UGP2: variants seen among roughly 807,000 people sequenced by gnomAD.
UGP2 encodes UTP--glucose-1-phosphate uridylyltransferase.
UGP2 carries 40 observed loss-of-function variants against 49.0 expected under a neutral mutation model. That is an observed-to-expected ratio of 0.82 (90% CI 0.63 to 1.06). The LOEUF is 1.06. Ranked by LOEUF, UGP2 falls within the 50% of genes least tolerant of loss-of-function variation. The pLI, the probability that UGP2 is intolerant of heterozygous loss-of-function variation, is 0.00. For synonymous variants in UGP2, 225 were observed against 213.0 expected (o/e 1.06, Z -0.49); for missense variants, 460 against 603.5 (o/e 0.76, Z 2.49).
chr2:63,880,232 G>A (rs1468545652), intron 3 of UGP2, among the ~76,000 whole-genome samples: 1 of 145,212 alleles, frequency 6.9e-6, no homozygotes, highest in Non-Finnish European at 1.5e-5. Context: ...GGAGTACAGT[G>A]GCATGATCAC....
intron 5 of UGP2, 109 bp from the exon 6 acceptor site, chr2:63,885,480 G>C (rs1333383344): frequency 1.5e-5 from 13 of 870,432 alleles, no homozygotes; most frequent in Non-Finnish European, 1.8e-5. Flanking sequence ...CTTATTGATA[G>C]ACTCTGAAAA....
chr2:63,841,840 T>C (rs762161387), upstream of UGP2: 2 of 222,934 alleles, frequency 9.0e-6, no homozygotes, highest in Non-Finnish European at 1.8e-5. Flanking sequence ...AAATAGCCGC[T>C]GTAGGTCCGC....
rs545226805 is a variant in UGP2, at chr2:63,891,272, C to T, written c.*45C>T. On this transcript the variant is annotated 3_prime_UTR_variant, in exon 10 of 10. Transcript: ENST00000337130. Reference sequence around the variant, plus strand: ...ACTTAAATAATGGGCTAGTTTCTTACAATGAAATGTTCTCTAGGATTCTAA... The same window carrying T: ...ACTTAAATAATGGGCTAGTTTCTTATAATGAAATGTTCTCTAGGATTCTAA... 3 of 1,499,826 alleles carry T rather than the reference C, an allele frequency of 2.0e-6. No individual in the cohort carries two copies. Among genetic ancestry groups the T allele is most frequent in the South Asian group, 1.1e-5 (1 of 87,466 alleles). 92.9% of individuals were successfully genotyped at this position (1,499,826 alleles called of 1,614,324 possible).
chr2:63,862,948 T>C, intron 3 of UGP2: 1 of 441,330 alleles, frequency 2.3e-6, no homozygotes, highest in Non-Finnish European at 4.5e-6. Flanking sequence ...TGGAACTCCA[T>C]TTCTGTTAGC....
intron 8 of UGP2, chr2:63,888,354 C>T (rs533937407): frequency 1.3e-5 from 2 of 152,234 alleles, no homozygotes; most frequent in East Asian, 3.9e-4. Flanking sequence ...CACATTTTGC[C>T]ATAGGCTAAT....
chr2:63,847,132 G>A (rs1671988021), intron 1 of UGP2, among the ~76,000 whole-genome samples: 1 of 152,000 alleles, frequency 6.6e-6, no homozygotes, highest in Non-Finnish European at 1.5e-5. Flanking sequence ...AAATTGATAA[G>A]GGACATTAGA....
In UGP2 at chr2:63,882,483, G is replaced by T; in HGVS notation, c.273G>T (p.Lys91Asn). The part of the protein sequence containing the change: ...PPEDSIQPYE[K>N]IKARGLPDNI... ...TCTTTCAGATTCAACCCTATGAAAA[G>T]ATAAAGGCCAGGGGCTTGCCTGATA... The change falls in exon 4 of 10, where the codon AAG becomes AAT. Residue 91 changes from lysine to asparagine, a missense_variant. This residue lies in a region of UGP2 where 143 missense variants were observed against 130.4 expected (regional missense o/e 1.10). Transcript: ENST00000337130. The T allele has an allele frequency of 6.3e-7, 1 of 1,588,176 alleles. No individual in the cohort carries two copies. Among genetic ancestry groups the T allele is most frequent in the Non-Finnish European group, 8.6e-7 (1 of 1,162,300 alleles).
At position 63,847,506 on chromosome 2, in the gene UGP2, G is replaced by A. The variant is rs142451787; in HGVS notation, c.19+5302G>A. Among the ~76,000 whole-genome samples the A allele has an allele frequency of 6.6e-4, 101 of 152,312 alleles. 1 individual carries two copies. The East Asian group carries it at 0.019, about 29-fold the overall frequency. On this transcript the variant is annotated intron_variant, in intron 1 of 9. Transcript: ENST00000337130. ...GTGAAGAGACCACCAAATAGGCTTTGTGTGAGCAACATGGCTATTTCACCT... is the reference window on the plus strand; with the variant it reads ...GTGAAGAGACCACCAAATAGGCTTTATGTGAGCAACATGGCTATTTCACCT...
chr2:63,844,949 C>A (rs572747327), intron 1 of UGP2, among the ~76,000 whole-genome samples: 1 of 152,292 alleles, frequency 6.6e-6, no homozygotes, highest in South Asian at 2.1e-4. Flanking sequence ...TGGAAATGGC[C>A]TGTTTCTCCA....
intron 3 of UGP2, among the ~76,000 whole-genome samples, chr2:63,880,520 T>C (rs1225188042): frequency 6.6e-6 from 1 of 152,150 alleles, no homozygotes; most frequent in Non-Finnish European, 1.5e-5. Flanking sequence ...TAAGCTACCC[T>C]GTTATATCAG....
chr2:63,886,333 C>G lies in UGP2; in HGVS notation c.874-8C>G, dbSNP rs905963186. 1.5e-5 allele frequency: 25 copies of G among 1,613,222 alleles called. No homozygotes were observed. The highest frequency in any genetic ancestry group is 6.7e-5 in the Admixed American group (4 of 60,010). ...TGTGGAGGCACTCACTATTTTCTGCCTTTCTAGGGCGGGACACTCACTCAA... is the reference window on the plus strand; with the variant it reads ...TGTGGAGGCACTCACTATTTTCTGCGTTTCTAGGGCGGGACACTCACTCAA... On this transcript the variant is annotated splice_polypyrimidine_tract_variant and splice_region_variant and intron_variant, in intron 6 of 9. Transcript: ENST00000337130.
intron 7 of UGP2, 77 bp from the exon 8 acceptor site, chr2:63,887,325 T>C (rs1671753680): frequency 1.3e-6 from 2 of 1,541,644 alleles, no homozygotes; most frequent in Non-Finnish European, 1.7e-6. Context: ...TTCCCAAATA[T>C]TAACTAACCT....
chr2:63,856,523 A>C, intron 2 of UGP2, 90 bp downstream of exon 2: 10 of 1,402,648 alleles, frequency 7.1e-6, no homozygotes, highest in Non-Finnish European at 8.6e-6. Flanking sequence ...GATAATCATC[A>C]CCTCAAATCA....
chr2:63,875,765 G>A (rs891949011), intron 3 of UGP2, among the ~76,000 whole-genome samples: 6 of 152,292 alleles, frequency 3.9e-5, no homozygotes, highest in Non-Finnish European at 5.9e-5. Context: ...AGCCTCATGC[G>A]GTTTGCCCCA....
At chr2:63,844,630 C>T (rs1305141468) in intron 1 of UGP2, among the ~76,000 whole-genome samples, 1 of 152,152 alleles carries the variant, frequency 6.6e-6, no homozygotes, top group Admixed American at 6.5e-5. Flanking sequence ...GGTGCGATCA[C>T]AGCTCACTGC....
chr2:63,851,779 A>T (rs1200117292), intron 1 of UGP2, among the ~76,000 whole-genome samples: 1 of 152,144 alleles, frequency 6.6e-6, no homozygotes, highest in Non-Finnish European at 1.5e-5. Context: ...TTATCCCATA[A>T]ATCCTGAAGT....
At position 63,891,347 on chromosome 2, in the gene UGP2, A is replaced by AAAAT. The variant is rs1405051026; in HGVS notation, c.*122_*125dup. The stretch of plus-strand genomic sequence containing the variant: ...ACTGTACCCTGCAGTGTTGATTTTT[A>AAAAT]AAATAGAGTTTTCTGCAGTATGCTT... On this transcript the variant is annotated 3_prime_UTR_variant, in exon 10 of 10. Coordinates refer to ENST00000337130, the MANE Select transcript of UGP2 (RefSeq NM_006759.4). The AAAAT allele has an allele frequency of 7.2e-6, 5 of 698,030 alleles. No individual in the cohort carries two copies. The highest frequency in any genetic ancestry group is 5.6e-5 in the African/African-American group (3 of 53,902). The allele number at this position is 698,030 out of a possible 1,614,324, so 43.2% of individuals were successfully genotyped here.
At chr2:63,879,361 C>A (rs1328851369) in intron 3 of UGP2, among the ~76,000 whole-genome samples, 1 of 152,072 alleles carries the variant, frequency 6.6e-6, no homozygotes, top group African/African-American at 2.4e-5. Context: ...ATTATTGTAG[C>A]ATTTTTACTT....
chr2:63,844,602 G>C (rs537101443), intron 1 of UGP2, among the ~76,000 whole-genome samples: 1 of 152,216 alleles, frequency 6.6e-6, no homozygotes, highest in Admixed American at 6.5e-5. Flanking sequence ...TCACTTTGTT[G>C]CCAGGCTGGA....
Sources: gnomAD v4.1 joint callset for allele counts (sites outside exome capture counted in the v4.1 genomes callset) on GRCh38, gnomAD v4.1.1 for gene constraint, gnomAD v4.1.1 regional missense constraint, MANE v1.5 for transcripts, NCBI Gene and HGNC (gene_info 2026-07-23, HGNC 2026-07-21) for gene names.